The following IRF3 variants were observed in gnomAD, a reference collection of about 807,000 sequenced individuals.
IRF3 encodes interferon regulatory factor 3.
A neutral mutation model predicts 43.2 loss-of-function variants in IRF3; 29 were observed. The ratio of observed to expected loss-of-function variants is 0.67; its 90% CI spans 0.50 to 0.91. IRF3 has a LOEUF of 0.91. Among genes scored for constraint, IRF3 ranks in the 40% least tolerant of loss-of-function variants. The probability of loss-of-function intolerance (pLI) is 0.00; values close to 1 mark genes in which losing one functional copy is unlikely to be tolerated. For synonymous variants in IRF3, 228 were observed against 233.9 expected (o/e 0.97, Z 0.23); for missense variants, 505 against 559.1 (o/e 0.90, Z 0.98).
chr19:49,664,857 A>G lies in IRF3; in HGVS notation c.-8-11T>C. ...TTCCCATGGTCCGGCCTGCGCGTATAGGGCATTTCCTGGGCGCGACCGGCC... is the reference window on the plus strand; with the variant it reads ...TTCCCATGGTCCGGCCTGCGCGTATGGGGCATTTCCTGGGCGCGACCGGCC... On this transcript the variant is annotated splice_polypyrimidine_tract_variant and intron_variant, in intron 1 of 7. Transcript: ENST00000377139. The G allele has an allele frequency of 1.9e-6, 3 of 1,603,834 alleles. No individual in the cohort carries two copies. Among genetic ancestry groups the G allele is most frequent in the Non-Finnish European group, 2.6e-6 (3 of 1,174,202 alleles).
chr19:49,663,456 G>A lies in IRF3; in HGVS notation c.224C>T (p.Thr75Ile). 1.2e-6 allele frequency: 2 copies of A among 1,614,220 alleles called. No homozygotes were observed. The highest frequency in any genetic ancestry group is 1.7e-6 in the Non-Finnish European group (2 of 1,180,046). ...VPGRDKPDLP[T>I]WKRNFRSALN... ...GGCAGAGCGGAAATTCCTCTTCCAG[G>A]TTGGCAGGTCTGGCTTATCCCTCCC... The change falls in exon 3 of 8, where the codon ACC (threonine) becomes ATC (isoleucine). Residue 75 changes from threonine (T) to isoleucine (I), a missense_variant. Transcript: ENST00000377139.
chr19:49,661,947 C>G lies in IRF3; in HGVS notation c.982+1G>C. On this transcript the variant is annotated splice_donor_variant, in intron 6 of 7. Transcript: ENST00000377139. LOFTEE classifies it high-confidence loss of function. The stretch of plus-strand genomic sequence containing the variant: ...CAGGTCGAAGCCCCTGTCTCACTCA[C>G]CTACAATGAAGGGCCCCAGGTCAAA... The G allele has an allele frequency of 1.2e-6, 2 of 1,603,498 alleles. No individual in the cohort carries two copies. Among genetic ancestry groups the G allele is most frequent in the Non-Finnish European group, 1.7e-6 (2 of 1,173,184 alleles).
In IRF3 at chr19:49,662,505, G is replaced by C; in HGVS notation, c.521C>G (p.Pro174Arg). ...GAAGGGAGTGGGATTGTCCAAGCTG[G>C]GGCTCCGCAGGGGCTGAGGGCAGGG... is the stretch of plus-strand genomic sequence containing the variant. ...PEPCPQPLRS[P>R]SLDNPTPFPN... The change falls in exon 5 of 8, where the codon CCC becomes CGC. Residue 174 changes from proline (P) to arginine (R), a missense_variant. Coordinates refer to ENST00000377139, the MANE Select transcript of IRF3 (RefSeq NM_001571.6). The C allele has an allele frequency of 4.5e-6, 7 of 1,561,072 alleles. No homozygotes were observed. The highest frequency in any genetic ancestry group is 6.1e-6 in the Non-Finnish European group (7 of 1,156,320).
intron 6 of IRF3, 136 bp from the exon 7 acceptor site, chr19:49,660,964 G>C (rs1477555250): frequency 1.9e-6 from 2 of 1,042,684 alleles, no homozygotes; most frequent in African/African-American, 1.6e-5. Flanking sequence ...CTGCTTGTTT[G>C]GGGAAAGTCC....
chr19:49,664,431 T>C (rs2081533758), intron 2 of IRF3: 14 of 1,487,838 alleles, frequency 9.4e-6, no homozygotes, highest in African/African-American at 1.4e-5. Flanking sequence ...TGCATTTCCT[T>C]TGCGTACTAA....
At chr19:49,660,921 G>T in intron 6 of IRF3, 93 bp from the exon 7 acceptor site, 1 of 1,418,976 alleles carries the variant, frequency 7.0e-7, no homozygotes, top group Non-Finnish European at 9.5e-7. Flanking sequence ...CACCTCCCCT[G>T]ACCTAAGGCC....
intron 6 of IRF3, 85 bp from the exon 7 acceptor site, chr19:49,660,913 C>T (rs1031081797): frequency 3.4e-6 from 5 of 1,461,026 alleles, no homozygotes; most frequent in African/African-American, 2.8e-5. Flanking sequence ...ACCCCCACCA[C>T]CTCCCCTGAC....
Position 49,662,293 on chromosome 19 carries a change from G to A in IRF3, c.637C>T (p.Arg213Cys), listed in dbSNP as rs768444988. 67 of 1,613,580 alleles carry A rather than the reference G, an allele frequency of 4.2e-5. No individual in the cohort carries two copies. The highest frequency in any genetic ancestry group is 1.6e-4 in the Middle Eastern group (1 of 6,084). ...GAGATGGTCTGCTGGAAGACTTGGC[G>A]GCCCCGGTAGAAGGCTGTCACCTCG... ...EFEVTAFYRG[R>C]QVFQQTISCP... The change falls in exon 6 of 8, where the codon CGC becomes TGC. Residue 213 changes from arginine to cysteine, a missense_variant. Physicochemically the swap from Arg to Cys is radical, Grantham distance 180. Coordinates refer to ENST00000377139, the MANE Select transcript of IRF3 (RefSeq NM_001571.6).
Position 49,665,669 on chromosome 19 carries a change from C to T in IRF3, c.-47G>A, listed in dbSNP as rs578083006. On this transcript the variant is annotated 5_prime_UTR_variant, in exon 1 of 8. Coordinates refer to ENST00000377139, the MANE Select transcript of IRF3 (RefSeq NM_001571.6). Reference sequence around the variant, plus strand: ...TCGGGGCGTGCGGGCAGCTGGAACCCACCCCTGTCTTGGAGCTCCGGGTAG... The same window carrying T: ...TCGGGGCGTGCGGGCAGCTGGAACCTACCCCTGTCTTGGAGCTCCGGGTAG... 17 of 1,020,984 alleles carry T rather than the reference C, an allele frequency of 1.7e-5. No individual in the cohort carries two copies. Among genetic ancestry groups the T allele is most frequent in the African/African-American group, 1.6e-4 (10 of 61,664 alleles). The allele number at this position is 1,020,984 out of a possible 1,614,324, so 63.2% of individuals were successfully genotyped here. A position where few individuals can be genotyped will look rare whatever the true frequency, so the allele number is the denominator to read the frequency against.
Position 49,659,984 on chromosome 19 carries a change from T to TACACACACACACAC in IRF3, c.1099-165_1099-152dup, listed in dbSNP as rs5828408. 2.6e-3 allele frequency: 833 copies of TACACACACACACAC among 323,748 alleles called. 4 individuals are homozygous for TACACACACACACAC. Among genetic ancestry groups the TACACACACACACAC allele is most frequent in the East Asian group, 6.0e-3 (113 of 18,780 alleles). 20.1% of individuals were successfully genotyped at this position (323,748 alleles called of 1,614,324 possible). ...CTAGGGCTGCTGGGAGTTGTAGTTT[T>TACACACACACACAC]ACACACACACACACACACACACACA... On this transcript the variant is annotated intron_variant, in intron 7 of 7. Transcript: ENST00000377139.
At chr19:49,662,808 C>T (rs1248199135) in intron 4 of IRF3, among the ~76,000 whole-genome samples, 191 bp from the exon 5 acceptor site, 1 of 152,208 alleles carries the variant, frequency 6.6e-6, no homozygotes, top group African/African-American at 2.4e-5. Context: ...CCAGGTGCTA[C>T]CATTCCAACC....
At chr19:49,660,873 A>G in intron 6 of IRF3, 45 bp from the exon 7 acceptor site, 1 of 1,554,342 alleles carries the variant, frequency 6.4e-7, no homozygotes, top group East Asian at 2.4e-5. Context: ...AGGACCCTCT[A>G]CCCACCCTTC....
chr19:49,665,820 G>A lies in IRF3; in HGVS notation c.-198C>T. 1.9e-6 allele frequency: 3 copies of A among 1,587,250 alleles called. No individual in the cohort carries two copies. The highest frequency in any genetic ancestry group is 1.7e-6 in the Non-Finnish European group (2 of 1,160,026). On this transcript the variant is annotated 5_prime_UTR_variant, in exon 1 of 8. Coordinates refer to ENST00000377139, the MANE Select transcript of IRF3 (RefSeq NM_001571.6). ...CATTCTTTGGGTAACAGACCCAAAA[G>A]CCGATGGGACGGCCCGCTGGGCTGT... is the stretch of plus-strand genomic sequence containing the variant.
Position 49,659,756 on chromosome 19 carries a change from G to A in IRF3, c.1176C>T (p.Asp392=). ...GGASSLENTV[D]LHISNSHPLS... ...GTGGGTGGCTGTTGGAAATGTGCAG[G>A]TCCACAGTATTCTCCAGGGAGGAGG... is the stretch of plus-strand genomic sequence containing the variant. The change falls in exon 8 of 8, where the codon GAC becomes GAT. Residue 392 remains aspartate (D), a synonymous_variant. Transcript: ENST00000377139. 1.9e-6 allele frequency: 3 copies of A among 1,613,846 alleles called. No individual in the cohort carries two copies. The highest frequency in any genetic ancestry group is 2.5e-6 in the Non-Finnish European group (3 of 1,179,892).
In IRF3 at chr19:49,664,856, T is replaced by C; in HGVS notation, c.-8-10A>G. 1.9e-6 allele frequency: 3 copies of C among 1,605,356 alleles called. No homozygotes were observed. The highest frequency in any genetic ancestry group is 2.2e-5 in the East Asian group (1 of 44,734). On this transcript the variant is annotated splice_polypyrimidine_tract_variant and intron_variant, in intron 1 of 7. Coordinates refer to ENST00000377139, the MANE Select transcript of IRF3 (RefSeq NM_001571.6). ...GTTCCCATGGTCCGGCCTGCGCGTA[T>C]AGGGCATTTCCTGGGCGCGACCGGC...
chr19:49,660,120 T>C (rs925844366), intron 7 of IRF3, among the ~76,000 whole-genome samples: 3 of 147,604 alleles, frequency 2.0e-5, no homozygotes, highest in Non-Finnish European at 4.4e-5. Flanking sequence ...ACGTCAGGGC[T>C]GAGCAGTCTG....
chr19:49,662,502 C>T lies in IRF3; in HGVS notation c.524G>A (p.Ser175Asn), dbSNP rs1449902203. The T allele has an allele frequency of 5.1e-6, 8 of 1,567,654 alleles. No individual in the cohort carries two copies. The highest frequency in any genetic ancestry group is 2.0e-5 in the Admixed American group (1 of 49,394). ...TGGGAAGGGAGTGGGATTGTCCAAG[C>T]TGGGGCTCCGCAGGGGCTGAGGGCA... The part of the protein sequence containing the change: ...EPCPQPLRSP[S>N]LDNPTPFPNL... The change falls in exon 5 of 8, where the codon AGC becomes AAC. Residue 175 changes from serine (S) to asparagine (N), a missense_variant. Physicochemically the swap from Ser to Asn is conservative, Grantham distance 46. Coordinates refer to ENST00000377139, the MANE Select transcript of IRF3 (RefSeq NM_001571.6).
intron 7 of IRF3, 151 bp from the exon 8 acceptor site, chr19:49,659,984 T>TACAC (rs5828408): frequency 0.071 from 22,908 of 320,396 alleles, 738 homozygotes; most frequent in Admixed American, 0.077. Context: ...GTTGTAGTTT[T>TACAC]ACACACACAC....
At chr19:49,664,330 A>G in intron 2 of IRF3, 1 of 746,366 alleles carries the variant, frequency 1.3e-6, no homozygotes, top group Non-Finnish European at 2.1e-6. Flanking sequence ...TTGGGGCTCC[A>G]GGCCTCACCT....
Sources: gnomAD v4.1 joint callset for allele counts (sites outside exome capture counted in the v4.1 genomes callset) on GRCh38, gnomAD v4.1.1 for gene constraint, MANE v1.5 for transcripts, NCBI Gene and HGNC (gene_info 2026-07-23, HGNC 2026-07-21) for gene names.